TSNARE1: variants seen among roughly 807,000 people sequenced by gnomAD.
The protein encoded by TSNARE1 is t-SNARE domain containing 1.
A neutral mutation model predicts 62.0 loss-of-function variants in TSNARE1; 49 were observed. The observed-to-expected ratio is 0.79, with a 90% CI of 0.63 to 1.00. The LOEUF (loss-of-function observed/expected upper bound fraction) is 1.00, where lower values mean the gene tolerates loss of function less well. Among genes scored for constraint, TSNARE1 ranks in the 50% least tolerant of loss-of-function variants. The pLI is 0.00. For missense variants in TSNARE1, 755 were observed against 700.1 expected (o/e 1.08, Z -0.88); for synonymous variants, 328 against 294.4 (o/e 1.11, Z -1.17).
intron 1 of TSNARE1, among the ~76,000 whole-genome samples, chr8:142,390,170 G>C (rs952219269): frequency 6.6e-6 from 1 of 152,274 alleles, no homozygotes; most frequent in African/African-American, 2.4e-5. Context: ...GAAGTTGCCT[G>C]CGTGCGTCAG....
chr8:142,234,966 T>C (rs1434460925), intron 12 of TSNARE1, among the ~76,000 whole-genome samples: 1 of 151,598 alleles, frequency 6.6e-6, no homozygotes, highest in Non-Finnish European at 1.5e-5. Flanking sequence ...AGCAGAAAAC[T>C]AGGGACCCCA....
intron 13 of TSNARE1, among the ~76,000 whole-genome samples, chr8:142,222,491 TCCACTCACTCATCCAC>T: frequency 9.8e-5 from 1 of 10,216 alleles, no homozygotes; most frequent in Non-Finnish European, 2.5e-4. Flanking sequence ...CACTCACTCA[TCCACTCACTCATCCAC>T]TCACTCACTC....
intron 2 of TSNARE1, among the ~76,000 whole-genome samples, chr8:142,351,573 AG>A (rs1834095499): frequency 6.6e-6 from 1 of 152,244 alleles, no homozygotes; most frequent in South Asian, 2.1e-4. Flanking sequence ...CAGGGACGCC[AG>A]GCAAACCCAG....
chr8:142,270,202 G>C (rs996824818), intron 12 of TSNARE1: 11 of 985,368 alleles, frequency 1.1e-5, no homozygotes, highest in Non-Finnish European at 1.3e-5. Flanking sequence ...AGGGACTGGA[G>C]ATGTGGCAGC....
intron 12 of TSNARE1, among the ~76,000 whole-genome samples, chr8:142,256,253 TCATCACCATCACCATCACCACCACC>T (rs1818542364): frequency 1.9e-5 from 1 of 53,438 alleles, no homozygotes; most frequent in Non-Finnish European, 3.9e-5. Context: ...ACCATCACCA[TCATCACCATCACCATCACCACCACC>T]ATTACCATCA....
At chr8:142,356,452 G>A (rs866549841) in intron 1 of TSNARE1, among the ~76,000 whole-genome samples, 121 of 152,322 alleles carry the variant, frequency 7.9e-4, no homozygotes, top group African/African-American at 2.7e-3. Flanking sequence ...CTCTGAGAGC[G>A]GGTGGGATTC....
chr8:142,344,523 A>C (rs115409973), intron 3 of TSNARE1, 51 bp from the exon 4 acceptor site: 2 of 1,435,398 alleles, frequency 1.4e-6, no homozygotes, highest in Non-Finnish European at 1.8e-6. Flanking sequence ...CTGTGGAGGC[A>C]GCGGCCCCGG....
chr8:142,348,960 T>C (rs1195787825), intron 2 of TSNARE1, among the ~76,000 whole-genome samples: 1 of 152,162 alleles, frequency 6.6e-6, no homozygotes, highest in Non-Finnish European at 1.5e-5. Flanking sequence ...ACTGGGCACA[T>C]GCAGCTGACC....
chr8:142,282,247 C>T (rs1351856971), intron 11 of TSNARE1, among the ~76,000 whole-genome samples: 2 of 152,122 alleles, frequency 1.3e-5, no homozygotes, highest in African/African-American at 4.8e-5. Context: ...CATAGCAGAA[C>T]CAGAGCTCCA....
intron 1 of TSNARE1, among the ~76,000 whole-genome samples, chr8:142,358,573 G>A (rs934523570): frequency 2.0e-5 from 3 of 152,086 alleles, no homozygotes; most frequent in African/African-American, 4.8e-5. Context: ...ATTTCATTTC[G>A]CTGCATATGG....
At chr8:142,225,328 C>T (rs1164767614) in intron 13 of TSNARE1, among the ~76,000 whole-genome samples, 1 of 152,128 alleles carries the variant, frequency 6.6e-6, no homozygotes, top group Non-Finnish European at 1.5e-5. Context: ...GCTCCTTGGC[C>T]CTGGCCCTGC....
intron 1 of TSNARE1, among the ~76,000 whole-genome samples, chr8:142,389,746 A>G (rs1837353901): frequency 6.6e-6 from 1 of 152,368 alleles, no homozygotes; most frequent in South Asian, 2.1e-4. Context: ...GTGTCATATC[A>G]TGACTTGTGA....
chr8:142,338,210 C>T (rs1251316902), intron 4 of TSNARE1, among the ~76,000 whole-genome samples: 1 of 152,262 alleles, frequency 6.6e-6, no homozygotes, highest in Non-Finnish European at 1.5e-5. Flanking sequence ...GCACGCTCCC[C>T]ACCAGTGCTG....
chr8:142,223,949 G>GCAGCCCT (rs56243627), intron 13 of TSNARE1, among the ~76,000 whole-genome samples: 1 of 151,888 alleles, frequency 6.6e-6, no homozygotes, highest in African/African-American at 2.4e-5. Flanking sequence ...ACCCAGGGGA[G>GCAGCCCT]GGCTTTCTGC....
intron 1 of TSNARE1, among the ~76,000 whole-genome samples, chr8:142,372,701 G>C (rs1048441394): frequency 9.2e-5 from 14 of 152,146 alleles, no homozygotes; most frequent in Non-Finnish European, 1.8e-4. Flanking sequence ...AGAAGGACCC[G>C]GAACATCCCC....
chr8:142,383,401 G>A (rs1836903751), intron 1 of TSNARE1, among the ~76,000 whole-genome samples: 1 of 150,390 alleles, frequency 6.6e-6, no homozygotes, highest in Non-Finnish European at 1.5e-5. Context: ...GCCATCCTCT[G>A]TGGGAGGCCC....
intron 1 of TSNARE1, among the ~76,000 whole-genome samples, chr8:142,361,640 G>A (rs949268854): frequency 6.6e-6 from 1 of 152,176 alleles, no homozygotes; most frequent in Admixed American, 6.5e-5. Context: ...GGAAAAACAT[G>A]GTGACCGAGG....
chr8:142,272,116 C>T (rs938744583), intron 12 of TSNARE1, among the ~76,000 whole-genome samples: 1 of 151,738 alleles, frequency 6.6e-6, no homozygotes, highest in Non-Finnish European at 1.5e-5. Flanking sequence ...TCATCACTGT[C>T]CAGCCAACCC....
intron 9 of TSNARE1, among the ~76,000 whole-genome samples, chr8:142,305,922 G>A (rs1317778450): frequency 6.6e-6 from 1 of 152,210 alleles, no homozygotes; most frequent in Non-Finnish European, 1.5e-5. Context: ...CGTGGGAAGA[G>A]ACTCCGCTCT....
Sources: allele counts gnomAD v4.1 joint callset (sites outside exome capture counted in the v4.1 genomes callset), GRCh38; gene constraint gnomAD v4.1.1; transcripts MANE v1.5; gene names NCBI Gene and HGNC (gene_info 2026-07-23, HGNC 2026-07-21).